PDE8B: variants seen among roughly 807,000 people sequenced by gnomAD.
The protein encoded by PDE8B is high affinity cAMP-specific and IBMX-insensitive 3',5'-cyclic phosphodiesterase 8B.
Under a neutral mutation model 101.3 loss-of-function variants are expected in PDE8B, and 26 were observed. The ratio of observed to expected loss-of-function variants is 0.26; its 90% CI spans 0.19 to 0.36. The LOEUF is 0.36. PDE8B is among the 10% of genes least tolerant of loss of function. The pLI, the probability that PDE8B is intolerant of heterozygous loss-of-function variation, is 1.00. For missense variants in PDE8B, 810 were observed against 1,163.1 expected (o/e 0.70, Z 4.42); for synonymous variants, 424 against 429.3 (o/e 0.99, Z 0.15).
At chr5:77,306,812 C>T (rs992474510) in intron 1 of PDE8B, among the ~76,000 whole-genome samples, 11 of 152,232 alleles carry the variant, frequency 7.2e-5, no homozygotes, top group African/African-American at 1.9e-4. Context: ...TCTGCCTACC[C>T]TGCACCAGCT....
chr5:77,231,700 T>C (rs1222525102), intron 1 of PDE8B, among the ~76,000 whole-genome samples: 3 of 151,832 alleles, frequency 2.0e-5, no homozygotes, highest in Non-Finnish European at 4.4e-5. Flanking sequence ...AGGTTCTGCT[T>C]ACAGAGGTGT....
In PDE8B at chr5:77,425,706, G is replaced by A. The variant is rs947734517; in HGVS notation, c.2419-61G>A. The A allele has an allele frequency of 2.2e-5, 34 of 1,551,012 alleles. 1 individual carries two copies. The Middle Eastern group carries it at 8.5e-4, about 39-fold the overall frequency. On this transcript the variant is annotated intron_variant, in intron 20 of 21. Coordinates refer to ENST00000264917, the MANE Select transcript of PDE8B (RefSeq NM_003719.5). The stretch of plus-strand genomic sequence containing the variant: ...TTCACAGGGTTGTTCTGAGAAACAG[G>A]ATATTACTGTGAAAGTGTCTCGCAT...
intron 18 of PDE8B, 145 bp from the exon 19 acceptor site, chr5:77,419,622 G>A (rs993652082): frequency 8.4e-5 from 74 of 883,704 alleles, no homozygotes; most frequent in African/African-American, 1.7e-4. Flanking sequence ...CTGGGAGGAC[G>A]AGCTCTTCTT....
the PDE8B span, among the ~76,000 whole-genome samples, chr5:77,166,138 C>T: frequency 1.3e-5 from 2 of 150,252 alleles, no homozygotes. Flanking sequence ...TGGAAGGAAA[C>T]TCTCTGCACT....
chr5:77,267,178 G>A (rs896966676), intron 1 of PDE8B, among the ~76,000 whole-genome samples: 2 of 152,064 alleles, frequency 1.3e-5, no homozygotes, highest in African/African-American at 4.8e-5. Context: ...GGTGGCTCAC[G>A]CCTGTAATCC....
At chr5:77,363,196 G>A (rs1304656031) in intron 10 of PDE8B, among the ~76,000 whole-genome samples, 2 of 152,186 alleles carry the variant, frequency 1.3e-5, no homozygotes, top group African/African-American at 4.8e-5. Flanking sequence ...TACAGATGAG[G>A]AAACTGAGGC....
At chr5:77,315,404 T>A (rs575888211) in intron 2 of PDE8B, among the ~76,000 whole-genome samples, 11 of 152,334 alleles carry the variant, frequency 7.2e-5, no homozygotes, top group Admixed American at 5.2e-4. Flanking sequence ...CTCCACTTAT[T>A]ACAAAGACTA....
chr5:77,121,509 CTTT>C, the PDE8B span, among the ~76,000 whole-genome samples: 5 of 141,104 alleles, frequency 3.5e-5, no homozygotes, highest in Non-Finnish European at 3.1e-5. Context: ...ATTAGGCTTC[CTTT>C]TTTTTTTTTT....
the PDE8B span, among the ~76,000 whole-genome samples, chr5:77,123,006 A>G: frequency 4.4e-4 from 67 of 152,286 alleles, no homozygotes; most frequent in Admixed American, 4.6e-4. Flanking sequence ...TTGAACAGAG[A>G]TTATAGTTCA....
At chr5:77,324,926 C>T (rs115692992) in intron 2 of PDE8B, among the ~76,000 whole-genome samples, 653 of 152,298 alleles carry the variant, frequency 4.3e-3, no homozygotes, top group Non-Finnish European at 7.3e-3. Flanking sequence ...CAGTGAGTAA[C>T]AATCACCACC....
At chr5:77,281,040 C>A (rs1001803491) in intron 1 of PDE8B, among the ~76,000 whole-genome samples, 25 of 152,242 alleles carry the variant, frequency 1.6e-4, no homozygotes, top group Non-Finnish European at 2.9e-5. Flanking sequence ...TGGAGGTGTG[C>A]TTGCTGCTGT....
intron 10 of PDE8B, among the ~76,000 whole-genome samples, chr5:77,359,473 G>A (rs116060539): frequency 1.3e-5 from 2 of 152,196 alleles, no homozygotes; most frequent in Non-Finnish European, 2.9e-5. Flanking sequence ...AGGCTGGGGG[G>A]TGTCTGCCCT....
chr5:77,155,061 C>T, the PDE8B span, among the ~76,000 whole-genome samples: 45,816 of 151,982 alleles, frequency 0.3, 8,613 homozygotes, highest in Non-Finnish European at 0.42. Context: ...CAATGTTGCC[C>T]GTGGGAATAA....
intron 1 of PDE8B, among the ~76,000 whole-genome samples, chr5:77,263,048 T>G (rs139678591): frequency 1.3e-3 from 202 of 152,332 alleles, no homozygotes; most frequent in African/African-American, 4.8e-3. Flanking sequence ...AGAAATACAC[T>G]GAATGTTGAC....
chr5:77,292,378 A>C (rs1387677329), intron 1 of PDE8B, among the ~76,000 whole-genome samples: 1 of 152,200 alleles, frequency 6.6e-6, no homozygotes, highest in South Asian at 2.1e-4. Context: ...ACAGCAATTG[A>C]AAGAGTATCA....
the PDE8B span, chr5:77,087,734 G>A: frequency 6.6e-6 from 1 of 152,272 alleles, no homozygotes; most frequent in Admixed American, 6.5e-5. Flanking sequence ...CAGGCTGAAA[G>A]GTCAACTTTT....
intron 10 of PDE8B, among the ~76,000 whole-genome samples, chr5:77,380,154 A>G (rs1787177539): frequency 1.3e-5 from 2 of 152,238 alleles, no homozygotes; most frequent in South Asian, 2.1e-4. Context: ...ACAAAACAAT[A>G]TAATTCTGAG....
intron 10 of PDE8B, among the ~76,000 whole-genome samples, chr5:77,396,628 T>G (rs1022013128): frequency 1.3e-5 from 2 of 152,238 alleles, no homozygotes; most frequent in East Asian, 3.9e-4. Context: ...TTTTATCCTT[T>G]CCCTTTCTAT....
chr5:77,261,242 T>A (rs2619770), intron 1 of PDE8B, among the ~76,000 whole-genome samples: 14,819 of 152,146 alleles, frequency 0.097, 1,265 homozygotes, highest in East Asian at 0.46. Context: ...ACTCACCATA[T>A]GATATATACA....
Sources: allele counts gnomAD v4.1 joint callset (sites outside exome capture counted in the v4.1 genomes callset), GRCh38; gene constraint gnomAD v4.1.1; transcripts MANE v1.5; gene names NCBI Gene and HGNC (gene_info 2026-07-23, HGNC 2026-07-21).